The following MAGEC3 variants were observed in gnomAD, a reference collection of about 807,000 sequenced individuals.
MAGEC3 encodes the protein melanoma-associated antigen C3.
MAGEC3 carries 34 observed loss-of-function variants against 35.3 expected under a neutral mutation model. That is an observed-to-expected ratio of 0.96 (90% CI 0.73 to 1.28). The LOEUF is 1.28. MAGEC3 is among the 50% of genes most tolerant of loss of function. The pLI is 0.00. For synonymous variants in MAGEC3, 202 were observed against 185.6 expected, an observed-to-expected ratio of 1.09 and a Z score of -0.72; for missense variants, 561 against 483.6, an observed-to-expected ratio of 1.16 and a Z score of -1.50.
chrX:141,894,687 C>T (rs1253007440), intron 4 of MAGEC3: 1 of 969,951 alleles, frequency 1.0e-6, no homozygotes, highest in Admixed American at 3.0e-5. Flanking sequence ...CGGGGCTGGC[C>T]AACAAGCAAG....
At chrX:141,890,067 A>G (rs892831776) in intron 4 of MAGEC3, among the ~76,000 whole-genome samples, 2 of 111,883 alleles carry the variant, frequency 1.8e-5, no homozygotes, top group African/African-American at 6.5e-5. Flanking sequence ...ATGTAATAGC[A>G]TTTGGATTGG....
rs771363867 is a variant in MAGEC3, at chrX:141,879,242, AG to A, written c.330del (p.Lys111SerfsTer4). The A allele has an allele frequency of 1.7e-6, 2 of 1,204,744 alleles. No homozygotes were observed. Among genetic ancestry groups the A allele is most frequent in the Non-Finnish European group, 2.2e-6 (2 of 891,666 alleles). On this transcript the variant is annotated frameshift_variant, in exon 3 of 8. Coordinates refer to ENST00000298296, the MANE Select transcript of MAGEC3 (RefSeq NM_138702.1). LOFTEE classifies it high-confidence loss of function. ...GACTTGCATTTTGGGAGTCAGCCGG[AG>A]GGGAAGTTTTCTCTGAGGAGGGCAG... ...LSDLHFGSQP[E>X]GKFSLRRAVS...
At chrX:141,889,568 C>T (rs141378274) in intron 4 of MAGEC3, among the ~76,000 whole-genome samples, 1,194 of 111,901 alleles carry the variant, frequency 0.011, 6 homozygotes, top group Non-Finnish European at 0.018. Context: ...GTGATTGACC[C>T]GGGCTATCAA....
chrX:141,890,487 A>G (rs913787642), intron 4 of MAGEC3, among the ~76,000 whole-genome samples: 2 of 99,538 alleles, frequency 2.0e-5, no homozygotes, highest in Admixed American at 9.9e-5. Context: ...AATTACAGGC[A>G]TGAGCCCCAC....
In MAGEC3 at chrX:141,865,602, C is replaced by G. The variant is rs1483563938; in HGVS notation, c.255C>G (p.Phe85Leu). The change falls in exon 2 of 8, where the codon TTC (phenylalanine) becomes TTG (leucine). Residue 85 changes from phenylalanine (F) to leucine (L), a missense_variant. Physicochemically the swap from Phe to Leu is conservative, Grantham distance 22. Transcript: ENST00000298296. ...GTCTTGTCCTCTGCCCCACATACTT[C>G]AAGGTAAGGACTCTAAGGAAAGACT... The part of the protein sequence containing the change: ...MDSLVLCPTY[F>L]KLWRTLSGSP... 8.3e-7 allele frequency: 1 copy of G among 1,203,248 alleles called. No individual in the cohort carries two copies. Among genetic ancestry groups the G allele is most frequent in the East Asian group, 3.0e-5 (1 of 33,508 alleles).
chrX:141,865,010 T>C (rs1236644274), intron 1 of MAGEC3, among the ~76,000 whole-genome samples: 1 of 112,175 alleles, frequency 8.9e-6, no homozygotes, highest in Non-Finnish European at 1.9e-5. Context: ...CAGGTGCTTA[T>C]TTAACATTTG....
At chrX:141,875,888 G>A (rs758288949) in intron 2 of MAGEC3, among the ~76,000 whole-genome samples, 3 of 111,527 alleles carry the variant, frequency 2.7e-5, no homozygotes, top group South Asian at 3.8e-4. Context: ...TCCTGGCTAT[G>A]AGCAGAGTCC....
chrX:141,855,407 T>C (rs1460833258), intron 1 of MAGEC3, among the ~76,000 whole-genome samples: 3 of 111,552 alleles, frequency 2.7e-5, no homozygotes, highest in African/African-American at 9.8e-5. Context: ...CTTGTTAATT[T>C]TTCCCAAAAC....
intron 2 of MAGEC3, among the ~76,000 whole-genome samples, chrX:141,872,197 A>C (rs2017892639): frequency 9.0e-6 from 1 of 111,423 alleles, no homozygotes; most frequent in Non-Finnish European, 1.9e-5. Context: ...TGAACATTAA[A>C]GGTTTCATTT....
At chrX:141,861,292 A>G (rs2017813494) in intron 1 of MAGEC3, among the ~76,000 whole-genome samples, 1 of 111,730 alleles carries the variant, frequency 9.0e-6, no homozygotes, top group African/African-American at 3.2e-5. Context: ...AAAGGACACA[A>G]AGAAATGGAA....
chrX:141,846,391 A>G (rs1349471402), intron 1 of MAGEC3, among the ~76,000 whole-genome samples: 1 of 109,940 alleles, frequency 9.1e-6, no homozygotes, highest in Non-Finnish European at 1.9e-5. Flanking sequence ...AGTTGCTACA[A>G]TATACAAATC....
Position 141,897,088 on chromosome X carries a change from G to A in MAGEC3, c.1330G>A (p.Ala444Thr), listed in dbSNP as rs375691727. 16 of 1,211,801 alleles carry A rather than the reference G, an allele frequency of 1.3e-5. No individual in the cohort carries two copies. The highest frequency in any genetic ancestry group is 2.2e-5 in the Admixed American group (1 of 46,082). ...AGAGGAGGATACAGCTACTTGGCAT[G>A]CCTTGCCAGAAAGTGAATCCTTGCC... Reference protein sequence around the residue: ...SEEEDTATWHALPESESLPRY... With the variant: ...SEEEDTATWHTLPESESLPRY... The change falls in exon 7 of 8, where the codon GCC (alanine) becomes ACC (threonine). Residue 444 changes from alanine (A) to threonine (T), a missense_variant. Coordinates refer to ENST00000298296, the MANE Select transcript of MAGEC3 (RefSeq NM_138702.1).
chrX:141,853,126 C>G (rs752748808), intron 1 of MAGEC3, among the ~76,000 whole-genome samples: 22 of 110,908 alleles, frequency 2.0e-4, no homozygotes, highest in African/African-American at 7.2e-4. Context: ...ATTTGTAATT[C>G]GAAAGGCAAC....
At chrX:141,869,174 G>A (rs1342895171) in intron 2 of MAGEC3, among the ~76,000 whole-genome samples, 5 of 110,994 alleles carry the variant, frequency 4.5e-5, no homozygotes, top group Non-Finnish European at 9.4e-5. Context: ...GTGAGCCACC[G>A]CGCCCGGCCA....
chrX:141,878,886 A>T (rs2124113833), intron 2 of MAGEC3, among the ~76,000 whole-genome samples: 1 of 111,577 alleles, frequency 9.0e-6, no homozygotes. Context: ...AGGAATAATA[A>T]CTGCAGGAAA....
intron 1 of MAGEC3, among the ~76,000 whole-genome samples, chrX:141,859,546 T>C (rs1314976544): frequency 9.0e-6 from 1 of 111,681 alleles, no homozygotes; most frequent in African/African-American, 3.3e-5. Flanking sequence ...TAAAAATATA[T>C]ATTCCAAAAC....
At chrX:141,880,048 G>A (rs941913098) in intron 3 of MAGEC3, among the ~76,000 whole-genome samples, 2 of 110,671 alleles carry the variant, frequency 1.8e-5, no homozygotes, top group African/African-American at 3.4e-5. Context: ...CAGGCTGAGC[G>A]GCAGCCCTCT....
intron 2 of MAGEC3, among the ~76,000 whole-genome samples, chrX:141,866,633 G>A (rs774117448): frequency 4.4e-5 from 5 of 112,374 alleles, no homozygotes; most frequent in Non-Finnish European, 7.5e-5. Context: ...AACGAAACAT[G>A]TAAATGAATA....
intron 1 of MAGEC3, among the ~76,000 whole-genome samples, chrX:141,857,753 C>T (rs1045337577): frequency 1.8e-5 from 2 of 111,099 alleles, no homozygotes; most frequent in African/African-American, 3.3e-5. Flanking sequence ...GAAACACGCA[C>T]CACCCTCACT....
Sources: gnomAD v4.1 joint callset for allele counts (sites outside exome capture counted in the v4.1 genomes callset) on GRCh38, gnomAD v4.1.1 for gene constraint, MANE v1.5 for transcripts, NCBI Gene and HGNC (gene_info 2026-07-23, HGNC 2026-07-21) for gene names.